The following SV2C variants were observed in gnomAD, a reference collection of about 807,000 sequenced individuals.
SV2C encodes the protein synaptic vesicle glycoprotein 2C, also known as solute carrier family 22 member B3.
In SV2C, 49 loss-of-function variants were observed where a neutral mutation model predicts 79.7. The observed-to-expected ratio is 0.61, with a 90% CI of 0.49 to 0.78. The LOEUF is 0.78. SV2C is among the 30% of genes least tolerant of loss of function. The pLI is 0.00. For missense variants in SV2C, 833 were observed against 912.9 expected (o/e 0.91, Z 1.13); for synonymous variants, 334 against 333.2 (o/e 1.00, Z -0.03).
At chr5:76,123,996 G>T (rs772119914) in intron 1 of SV2C, among the ~76,000 whole-genome samples, 3 of 152,136 alleles carry the variant, frequency 2.0e-5, no homozygotes, top group Non-Finnish European at 2.9e-5. Context: ...ATTGCTGATT[G>T]TCAAGAGTGG....
chr5:75,928,232 A>G, the SV2C span, among the ~76,000 whole-genome samples: 2 of 152,200 alleles, frequency 1.3e-5, no homozygotes, highest in African/African-American at 4.8e-5. Flanking sequence ...CTTTGTATCC[A>G]TTAAAAAATG....
rs548489138 is a variant in SV2C at position 76,132,396 on chromosome 5, A to T, written c.580+66A>T. 12 of 1,446,492 alleles carry T rather than the reference A, an allele frequency of 8.3e-6. No homozygotes were observed. In the African/African-American group the frequency reaches 1.4e-4, roughly 17 times the overall value. The allele number at this position is 1,446,492 out of a possible 1,614,324, so 89.6% of individuals were successfully genotyped here. On this transcript the variant is annotated intron_variant, in intron 2 of 12. Transcript: ENST00000502798. ...TTATTTGTTAAGCACAGTTATCAAC[A>T]TAGAGAATAAATACTTTTCATCTAG...
At chr5:76,205,567 A>G (rs1016582899) in intron 3 of SV2C, among the ~76,000 whole-genome samples, 2 of 152,296 alleles carry the variant, frequency 1.3e-5, no homozygotes, top group South Asian at 2.1e-4. Flanking sequence ...TAAATGTTCC[A>G]TTAAATATAA....
chr5:76,034,978 A>C, the SV2C span, among the ~76,000 whole-genome samples: 1 of 152,072 alleles, frequency 6.6e-6, no homozygotes, highest in Admixed American at 6.5e-5. Flanking sequence ...TAGTCTTGGG[A>C]GAGTGTATGT....
intron 12 of SV2C, among the ~76,000 whole-genome samples, chr5:76,319,248 CA>C (rs11341644): frequency 0.41 from 57,523 of 141,746 alleles, 11,998 homozygotes; most frequent in African/African-American, 0.56. Flanking sequence ...TGCATCTCTA[CA>C]AAAAAAAAAA....
At chr5:75,920,490 A>G in the SV2C span, among the ~76,000 whole-genome samples, 1 of 152,218 alleles carries the variant, frequency 6.6e-6, no homozygotes, top group African/African-American at 2.4e-5. Flanking sequence ...CCCCAACCAC[A>G]GCCACCCAGT....
intron 4 of SV2C, among the ~76,000 whole-genome samples, chr5:76,271,799 G>A (rs1483429640): frequency 6.6e-6 from 1 of 151,996 alleles, no homozygotes; most frequent in East Asian, 1.9e-4. Context: ...ATTAAGCCAA[G>A]AAATCAGCTT....
the SV2C span, among the ~76,000 whole-genome samples, chr5:75,870,645 A>G: frequency 4.2e-3 from 637 of 152,334 alleles, 4 homozygotes; most frequent in African/African-American, 0.014. Context: ...AAAAATATCA[A>G]TATCCAAGTA....
the SV2C span, among the ~76,000 whole-genome samples, chr5:75,917,195 A>G: frequency 1.3e-5 from 2 of 152,178 alleles, no homozygotes; most frequent in African/African-American, 2.4e-5. Flanking sequence ...CCAAATTAAG[A>G]TAGTTATTTT....
the SV2C span, among the ~76,000 whole-genome samples, chr5:75,948,940 G>T: frequency 6.6e-6 from 1 of 151,918 alleles, no homozygotes; most frequent in African/African-American, 2.4e-5. Flanking sequence ...TTGGATATTT[G>T]TCCCTTCCCA....
Position 76,195,112 on chromosome 5 carries a change from C to T in SV2C, c.761+13C>T. 6.2e-7 allele frequency: 1 copy of T among 1,609,710 alleles called. No individual in the cohort carries two copies. The highest frequency in any genetic ancestry group is 2.2e-5 in the East Asian group (1 of 44,854). On this transcript the variant is annotated intron_variant, in intron 3 of 12. Coordinates refer to ENST00000502798, the MANE Select transcript of SV2C (RefSeq NM_014979.4). ...TTTCTGGATTCGGGTAAGGTTTTCT[C>T]CTTCATATTTTATAGTAATGTGTTT...
chr5:76,353,115 A>ATT, intron 12 of SV2C: 1 of 369,670 alleles, frequency 2.7e-6, no homozygotes, highest in East Asian at 8.1e-5. Flanking sequence ...TAATTTTTTA[A>ATT]TTTTTTTTTT....
the SV2C span, among the ~76,000 whole-genome samples, chr5:75,926,844 T>A: frequency 5.3e-5 from 8 of 152,334 alleles, no homozygotes; most frequent in African/African-American, 1.9e-4. Context: ...CCGTTCCTTT[T>A]AATCTCTTGT....
the SV2C span, chr5:75,920,596 C>T: frequency 1.8e-6 from 1 of 548,472 alleles, no homozygotes; most frequent in East Asian, 3.2e-5. Context: ...TGCATGTGGA[C>T]CTGAACTTGA....
chr5:76,298,198 A>C (rs1747842290), intron 9 of SV2C, among the ~76,000 whole-genome samples: 1 of 152,136 alleles, frequency 6.6e-6, no homozygotes, highest in South Asian at 2.1e-4. Context: ...GTGAGAAGAA[A>C]AATTATCCTG....
chr5:76,054,563 C>T, the SV2C span, among the ~76,000 whole-genome samples: 22 of 152,268 alleles, frequency 1.4e-4, no homozygotes, highest in Admixed American at 2.0e-4. Flanking sequence ...CTTGAGGAAT[C>T]GCCACACTGA....
At position 76,330,035 on chromosome 5, in the gene SV2C, A is replaced by G. The variant is rs1158449990; in HGVS notation, c.*4488A>G. 1.3e-5 allele frequency: 2 copies of G among 151,116 alleles called. No individual in the cohort carries two copies. Among genetic ancestry groups the G allele is most frequent in the African/African-American group, 4.9e-5 (2 of 41,030 alleles). 9.4% of individuals were successfully genotyped at this position (151,116 alleles called of 1,614,324 possible). On this transcript the variant is annotated 3_prime_UTR_variant, in exon 13 of 13. Coordinates refer to ENST00000502798, the MANE Select transcript of SV2C (RefSeq NM_014979.4). Reference sequence around the variant, plus strand: ...GCTCAGCAAAGTATGTATTTTAAGTAAAGCTTCTCTTGTTATCTGTAATGT... The same window carrying G: ...GCTCAGCAAAGTATGTATTTTAAGTGAAGCTTCTCTTGTTATCTGTAATGT...
At chr5:76,285,964 A>T in intron 6 of SV2C, 94 bp downstream of exon 6, 1 of 1,178,750 alleles carries the variant, frequency 8.5e-7, no homozygotes, top group Non-Finnish European at 1.2e-6. Context: ...TTTGCAAGTC[A>T]TACGGTCTTT....
intron 8 of SV2C, among the ~76,000 whole-genome samples, chr5:76,294,623 T>C (rs1747680401): frequency 1.3e-5 from 2 of 152,206 alleles, no homozygotes; most frequent in South Asian, 2.1e-4. Context: ...TAAAAATTAT[T>C]AGCAACAATT....
Sources: gnomAD v4.1 joint callset for allele counts (sites outside exome capture counted in the v4.1 genomes callset) on GRCh38, gnomAD v4.1.1 for gene constraint, MANE v1.5 for transcripts, NCBI Gene and HGNC (gene_info 2026-07-23, HGNC 2026-07-21) for gene names.